The following PCDHGB3 variants were observed in gnomAD, a reference collection of about 807,000 sequenced individuals.
PCDHGB3 encodes protocadherin gamma-B3.
A neutral mutation model predicts 59.2 loss-of-function variants in PCDHGB3; 40 were observed. The observed-to-expected ratio is 0.68, with a 90% CI of 0.52 to 0.88. PCDHGB3 has a LOEUF of 0.88. PCDHGB3 is among the 40% of genes least tolerant of loss of function. PCDHGB3 has a pLI of 0.00. For synonymous variants in PCDHGB3, 581 were observed against 503.6 expected (o/e 1.15, Z -2.06); for missense variants, 1,309 against 1,187.9 (o/e 1.10, Z -1.50).
At chr5:141,415,540 T>C (rs1202920204) in intron 1 of PCDHGB3, 9 of 1,614,184 alleles carry the variant, frequency 5.6e-6, no homozygotes, top group Non-Finnish European at 7.6e-6. Context: ...CCAGGAGAGC[T>C]GTGAGAAAAA....
At position 141,381,826 on chromosome 5, in the gene PCDHGB3, C is replaced by CTTTTTTT. The variant is rs770630741; in HGVS notation, c.2415+9033_2415+9039dup. Among the ~76,000 whole-genome samples the CTTTTTTT allele has an allele frequency of 1.4e-3, 102 of 74,248 alleles. 2 individuals are homozygous for CTTTTTTT. The highest frequency in any genetic ancestry group is 1.7e-3 in the Non-Finnish European group (71 of 42,360). The allele number at this position is 74,248 out of a possible 152,430, so 48.7% of individuals were successfully genotyped here. ...TTTCTTTCTTTCTTTCTTTCTTCTT[C>CTTTTTTT]TTTTTTTTTTTTTTTTTTTTTTGGC... On this transcript the variant is annotated intron_variant, in intron 1 of 3. Transcript: ENST00000576222.
chr5:141,392,661 A>T, intron 1 of PCDHGB3: 1 of 803,300 alleles, frequency 1.2e-6, no homozygotes, highest in Non-Finnish European at 1.9e-6. Context: ...CAGATGCCAC[A>T]AACTAACTGC....
intron 1 of PCDHGB3, chr5:141,395,178 G>A: frequency 6.2e-7 from 1 of 1,614,142 alleles, no homozygotes; most frequent in East Asian, 2.2e-5. Flanking sequence ...TGAGAAAAAT[G>A]ATTCTTTGTT....
At chr5:141,467,008 AT>A (rs1165146249) in intron 1 of PCDHGB3, among the ~76,000 whole-genome samples, 2 of 150,270 alleles carry the variant, frequency 1.3e-5, no homozygotes, top group Non-Finnish European at 3.0e-5. Context: ...TTGCAATGCA[AT>A]TTTTTTCCCT....
At chr5:141,482,667 G>C (rs2099569914) in intron 1 of PCDHGB3, among the ~76,000 whole-genome samples, 1 of 151,094 alleles carries the variant, frequency 6.6e-6, no homozygotes, top group Admixed American at 6.6e-5. Context: ...ATGATCTAAA[G>C]GTTGAGTAGT....
At position 141,393,344 on chromosome 5, in the gene PCDHGB3, C is replaced by G. The variant is rs1428830318; in HGVS notation, c.2415+20535C>G. On this transcript the variant is annotated intron_variant, in intron 1 of 3. Transcript: ENST00000576222. ...GCTACCAGCTCAGCCCCAATCACCA[C>G]TTCTCCCTGGACGTGCAGACTGGAG... The G allele has an allele frequency of 9.9e-6, 16 of 1,613,888 alleles. No individual in the cohort carries two copies. The highest frequency in any genetic ancestry group is 1.2e-5 in the Non-Finnish European group (14 of 1,179,904).
At chr5:141,439,124 CAG>C (rs2098089371) in intron 1 of PCDHGB3, among the ~76,000 whole-genome samples, 1 of 150,004 alleles carries the variant, frequency 6.7e-6, no homozygotes, top group Non-Finnish European at 1.5e-5. Flanking sequence ...ACCCGGGAGA[CAG>C]AGGTTGCAGT....
chr5:141,405,187 GGTTCGAGCTT>G (rs2094622612), intron 1 of PCDHGB3: 1 of 1,613,360 alleles, frequency 6.2e-7, no homozygotes, highest in African/African-American at 1.3e-5. Context: ...GTGTAGATGG[GGTTCGAGCTT>G]TCCTACAGAC....
chr5:141,439,226 G>A (rs1337835258), intron 1 of PCDHGB3, among the ~76,000 whole-genome samples: 1 of 151,442 alleles, frequency 6.6e-6, no homozygotes, highest in African/African-American at 2.4e-5. Flanking sequence ...AAAATTCTTA[G>A]AAGCTTCCTA....
intron 1 of PCDHGB3, chr5:141,392,828 G>T: frequency 6.2e-7 from 1 of 1,604,008 alleles, no homozygotes; most frequent in Non-Finnish European, 8.5e-7. Context: ...CCGCTCCACA[G>T]AGTCGCCCCA....
At chr5:141,419,049 C>T in intron 1 of PCDHGB3, 6 of 1,613,954 alleles carry the variant, frequency 3.7e-6, no homozygotes, top group Non-Finnish European at 5.1e-6. Flanking sequence ...ATTCATTCTT[C>T]TTCTAATAAT....
intron 1 of PCDHGB3, chr5:141,441,447 C>T: frequency 6.2e-6 from 1 of 161,550 alleles, no homozygotes. Flanking sequence ...CCAGCCCAAG[C>T]ATCACCCTAC....
chr5:141,418,938 C>G, intron 1 of PCDHGB3: 1 of 1,613,738 alleles, frequency 6.2e-7, no homozygotes, highest in Non-Finnish European at 8.5e-7. Flanking sequence ...ATGGAGGATT[C>G]CCCTCCAGGA....
chr5:141,412,093 GCA>G (rs1252719565), intron 1 of PCDHGB3: 2 of 152,146 alleles, frequency 1.3e-5, no homozygotes, highest in Non-Finnish European at 2.9e-5. Flanking sequence ...GGGTTGATGG[GCA>G]CACACAGTTG....
At position 141,512,045 on chromosome 5, in the gene PCDHGB3, C is replaced by T. The variant is rs568357347; in HGVS notation, c.*872C>T. On this transcript the variant is annotated 3_prime_UTR_variant, in exon 4 of 4. Transcript: ENST00000576222. ...GGCCTTGGAGGAGGCTCTGTATGTC[C>T]TCAGGGGACTGACAACATCCTCCAG... The T allele has an allele frequency of 1.5e-3, 224 of 152,846 alleles. 2 individuals are homozygous for T. The highest frequency in any genetic ancestry group is 4.6e-4 in the Non-Finnish European group (31 of 68,130). The allele number at this position is 152,846 out of a possible 1,614,324, so 9.5% of individuals were successfully genotyped here. A position where few individuals can be genotyped will look rare whatever the true frequency, so the allele number is the denominator to read the frequency against.
intron 1 of PCDHGB3, chr5:141,384,783 G>C (rs768506502): frequency 1.4e-5 from 22 of 1,613,560 alleles, no homozygotes; most frequent in East Asian, 2.2e-5. Context: ...AGGTGCGCAC[G>C]GCTCGGGCCC....
intron 1 of PCDHGB3, chr5:141,423,540 C>T (rs961504938): frequency 6.2e-7 from 1 of 1,613,606 alleles, no homozygotes; most frequent in Non-Finnish European, 8.5e-7. Context: ...ACCTGATTTT[C>T]CCCCAGCCCA....
At chr5:141,422,296 A>T (rs200545713) in intron 1 of PCDHGB3, 6 of 1,550,706 alleles carry the variant, frequency 3.9e-6, no homozygotes, top group Non-Finnish European at 4.3e-6. Context: ...TATTAATTCA[A>T]TTCTGGAAAA....
At chr5:141,413,450 G>T (rs2095642221) in intron 1 of PCDHGB3, 1 of 1,614,148 alleles carries the variant, frequency 6.2e-7, no homozygotes, top group Non-Finnish European at 8.5e-7. Context: ...ATCACCGCGG[G>T]CAGGATAGAC....
Sources: allele counts gnomAD v4.1 joint callset (sites outside exome capture counted in the v4.1 genomes callset), GRCh38; gene constraint gnomAD v4.1.1; transcripts MANE v1.5; gene names NCBI Gene and HGNC (gene_info 2026-07-23, HGNC 2026-07-21).